Variants in FAM114A1 observed in about 807,000 individuals in gnomAD.
FAM114A1 encodes family with sequence similarity 114 member A1, also known as protein NOXP20.
Under a neutral mutation model 64.3 loss-of-function variants are expected in FAM114A1, and 62 were observed. The observed-to-expected ratio is 0.96, with a 90% CI of 0.79 to 1.19. The LOEUF (loss-of-function observed/expected upper bound fraction) is 1.19, where lower values mean the gene tolerates loss of function less well. Among genes scored for constraint, FAM114A1 ranks in the 50% most tolerant of loss-of-function variants. FAM114A1 has a pLI of 0.00. For synonymous variants in FAM114A1, 254 were observed against 251.1 expected (o/e 1.01, Z -0.11); for missense variants, 645 against 676.3 (o/e 0.95, Z 0.51).
chr4:38,911,458 G>A (rs910875541), intron 7 of FAM114A1, among the ~76,000 whole-genome samples: 2 of 152,222 alleles, frequency 1.3e-5, no homozygotes, highest in Admixed American at 1.3e-4. Flanking sequence ...GAGGTCTGCA[G>A]GTTGCACTGT....
intron 14 of FAM114A1, among the ~76,000 whole-genome samples, chr4:38,942,614 A>T (rs906682530): frequency 2.0e-5 from 3 of 152,200 alleles, no homozygotes; most frequent in Admixed American, 1.3e-4. Context: ...TCCATCCAAT[A>T]CTGTGTGTTA....
chr4:38,880,408 C>T (rs2381346), intron 3 of FAM114A1, among the ~76,000 whole-genome samples: 42,132 of 152,060 alleles, frequency 0.28, 6,189 homozygotes, highest in African/African-American at 0.32. Context: ...TCAAAAGTAT[C>T]TGGAGACAAG....
At chr4:38,928,192 G>C (rs1560327547) in intron 9 of FAM114A1, among the ~76,000 whole-genome samples, 1 of 152,184 alleles carries the variant, frequency 6.6e-6, no homozygotes, top group Non-Finnish European at 1.5e-5. Context: ...ACATGGCTTA[G>C]TCCCCTCTTC....
In FAM114A1 at chr4:38,932,363, A is replaced by C; in HGVS notation, c.1452A>C (p.Lys484Asn). Residue 484 changes from lysine (K) to asparagine (N), a missense_variant, in exon 12 of 15, where the codon AAA becomes AAC. Physicochemically the swap from Lys to Asn is moderately conservative, Grantham distance 94 (BLOSUM62 0). Coordinates refer to ENST00000358869, the MANE Select transcript of FAM114A1 (RefSeq NM_138389.4). ...EEEKPAQDQA[K>N]VLIKLTTAMC... The stretch of plus-strand genomic sequence containing the variant: ...AAAAACCAGCTCAGGACCAAGCAAA[A>C]GTTCTAATAAAGTAAGTAAATGTTA... 6.3e-7 allele frequency: 1 copy of C among 1,587,582 alleles called. No homozygotes were observed. The highest frequency in any genetic ancestry group is 1.2e-5 in the South Asian group (1 of 85,990).
chr4:38,871,256 A>G (rs1714055934), intron 2 of FAM114A1, among the ~76,000 whole-genome samples: 1 of 151,270 alleles, frequency 6.6e-6, no homozygotes, highest in Admixed American at 6.6e-5. Context: ...TGCCCAGCTA[A>G]TTTTTTTGTA....
intron 4 of FAM114A1, among the ~76,000 whole-genome samples, chr4:38,896,528 A>C (rs1421670675): frequency 6.6e-6 from 1 of 152,226 alleles, no homozygotes; most frequent in Admixed American, 6.5e-5. Context: ...GACTGCTGAA[A>C]GGTAAGAGGG....
intron 7 of FAM114A1, 38 bp downstream of exon 7, chr4:38,908,764 A>T (rs755078855): frequency 8.1e-6 from 12 of 1,481,244 alleles, no homozygotes; most frequent in Non-Finnish European, 1.0e-5. Flanking sequence ...TCTTTCAGTC[A>T]ATAAAGTAAA....
intron 3 of FAM114A1, among the ~76,000 whole-genome samples, chr4:38,880,158 T>G (rs1456913914): frequency 1.6e-5 from 2 of 126,452 alleles, no homozygotes; most frequent in Non-Finnish European, 3.6e-5. Context: ...TAGAATAGAA[T>G]AGAATAGAAT....
intron 8 of FAM114A1, among the ~76,000 whole-genome samples, chr4:38,920,690 C>A (rs375967012): frequency 6.0e-4 from 92 of 152,312 alleles, no homozygotes; most frequent in African/African-American, 2.1e-3. Flanking sequence ...TATTCAAACA[C>A]ATTTATTCAA....
At chr4:38,868,931 G>A (rs1260579261) in intron 2 of FAM114A1, among the ~76,000 whole-genome samples, 1 of 152,224 alleles carries the variant, frequency 6.6e-6, no homozygotes, top group African/African-American at 2.4e-5. Flanking sequence ...GTGAAGGAAT[G>A]AGACGTTAGG....
intron 4 of FAM114A1, among the ~76,000 whole-genome samples, chr4:38,903,989 T>C (rs1717756383): frequency 6.6e-6 from 1 of 152,214 alleles, no homozygotes; most frequent in Non-Finnish European, 1.5e-5. Context: ...CTCTTTAGGT[T>C]TGGGAGTCAT....
intron 9 of FAM114A1, among the ~76,000 whole-genome samples, chr4:38,924,880 C>A (rs892936608): frequency 3.3e-5 from 5 of 152,156 alleles, no homozygotes; most frequent in Non-Finnish European, 7.3e-5. Context: ...CTGAGGTAGA[C>A]CTTGGTCCTA....
In FAM114A1 at chr4:38,922,484, C is replaced by T. The variant is rs191387754; in HGVS notation, c.946-286C>T. 4.8e-3 allele frequency among the ~76,000 whole-genome samples: 730 copies of T among 152,306 alleles called. 7 individuals carry two copies. Among genetic ancestry groups the T allele is most frequent in the African/African-American group, 0.017 (697 of 41,568 alleles). ...ACTGTGATAGAAGAGCTACCACCAC[C>T]ATTTATGCAGCACATACTGTGTGCA... On this transcript the variant is annotated intron_variant, in intron 8 of 14. Coordinates refer to ENST00000358869, the MANE Select transcript of FAM114A1 (RefSeq NM_138389.4).
Position 38,878,145 on chromosome 4 carries a change from A to G in FAM114A1, c.67A>G (p.Ser23Gly). 1 of 1,614,194 alleles carries G rather than the reference A, an allele frequency of 6.2e-7. No individual in the cohort carries two copies. The highest frequency in any genetic ancestry group is 8.5e-7 in the Non-Finnish European group (1 of 1,180,034). Residue 23 changes from serine to glycine, a missense_variant, in exon 3 of 15, where the codon AGT becomes GGT. Physicochemically the swap from Ser to Gly is moderately conservative, Grantham distance 56. Transcript: ENST00000358869. Reference sequence around the variant, plus strand: ...AGCAGAAGTTACTGAGATGCCTAATAGTGATTCTTTACCTGAGGATGCAGA... The same window carrying G: ...AGCAGAAGTTACTGAGATGCCTAATGGTGATTCTTTACCTGAGGATGCAGA... Reference protein sequence around the residue: ...DKAEVTEMPNSDSLPEDAEVH... With the variant: ...DKAEVTEMPNGDSLPEDAEVH...
intron 2 of FAM114A1, among the ~76,000 whole-genome samples, chr4:38,871,267 T>C (rs1023797418): frequency 8.6e-5 from 13 of 151,780 alleles, no homozygotes; most frequent in African/African-American, 3.1e-4. Flanking sequence ...TTTTTTTGTA[T>C]TTTTAGTAGA....
At chr4:38,898,071 A>G (rs887867087) in intron 4 of FAM114A1, among the ~76,000 whole-genome samples, 49 of 152,262 alleles carry the variant, frequency 3.2e-4, no homozygotes, top group African/African-American at 1.2e-3. Flanking sequence ...ACCAGTAGTC[A>G]AAATGAAAGT....
intron 1 of FAM114A1, chr4:38,868,072 AGT>A (rs1253726804): frequency 4.9e-6 from 2 of 405,842 alleles, no homozygotes; most frequent in Non-Finnish European, 1.0e-5. Context: ...TGTGTGTGTG[AGT>A]GTGTGTCGCT....
intron 7 of FAM114A1, among the ~76,000 whole-genome samples, chr4:38,911,794 G>A (rs1274813189): frequency 6.8e-6 from 1 of 147,070 alleles, no homozygotes; most frequent in African/African-American, 2.5e-5. Context: ...TTTTATCCTA[G>A]TGGCACAGGG....
intron 7 of FAM114A1, among the ~76,000 whole-genome samples, chr4:38,912,966 T>C (rs1303404008): frequency 1.3e-5 from 2 of 152,224 alleles, no homozygotes; most frequent in African/African-American, 4.8e-5. Flanking sequence ...GCTAATTTAG[T>C]CTTAAAGACA....
Sources: gnomAD v4.1 joint callset for allele counts (sites outside exome capture counted in the v4.1 genomes callset) on GRCh38, gnomAD v4.1.1 for gene constraint, MANE v1.5 for transcripts, NCBI Gene and HGNC (gene_info 2026-07-23, HGNC 2026-07-21) for gene names.